The following DHX57 variants were observed in gnomAD, a reference collection of about 807,000 sequenced individuals.
DHX57 encodes the protein putative ATP-dependent RNA helicase DHX57.
A neutral mutation model predicts 156.2 loss-of-function variants in DHX57; 105 were observed. The ratio of observed to expected loss-of-function variants is 0.67; its 90% CI spans 0.57 to 0.79. DHX57 has a LOEUF of 0.79. Ranked by LOEUF, DHX57 falls within the 30% of genes least tolerant of loss-of-function variation. The pLI is 0.00. For synonymous variants in DHX57, 704 were observed against 595.6 expected, an observed-to-expected ratio of 1.18 and a Z score of -2.65; for missense variants, 1,847 against 1,661.9, an observed-to-expected ratio of 1.11 and a Z score of -1.94.
At position 38,812,410 on chromosome 2, in the gene DHX57, ACT is replaced by A. The variant is rs531860564; in HGVS notation, c.3681+1409_3681+1410del. 2.2e-4 allele frequency among the ~76,000 whole-genome samples: 34 copies of A among 152,164 alleles called. 1 individual carries two copies. The highest frequency in any genetic ancestry group is 7.0e-4 in the African/African-American group (29 of 41,492). ...TGATTCAGTATTCTGCCAAATTGAA[ACT>A]CTCTGGGGGAAAATGGTGCCTTGTT... On this transcript the variant is annotated intron_variant, in intron 21 of 23. Transcript: ENST00000457308.
intron 5 of DHX57, among the ~76,000 whole-genome samples, chr2:38,859,872 A>C (rs891660918): frequency 2.0e-5 from 3 of 151,628 alleles, no homozygotes; most frequent in Non-Finnish European, 2.9e-5. Flanking sequence ...CCAAGGCCGA[A>C]ATGCAATGAC....
chr2:38,818,829 G>A, intron 19 of DHX57, 48 bp downstream of exon 19: 2 of 1,594,946 alleles, frequency 1.3e-6, no homozygotes, highest in South Asian at 1.1e-5. Context: ...ACCCTCTGGT[G>A]AGCTACTCTA....
intron 18 of DHX57, 27 bp from the exon 19 acceptor site, chr2:38,818,987 A>G: frequency 6.2e-7 from 1 of 1,614,094 alleles, no homozygotes; most frequent in East Asian, 2.2e-5. Context: ...ATCAAACTGA[A>G]CTTACTCAGT....
chr2:38,813,732 T>C, intron 21 of DHX57, 89 bp downstream of exon 21: 1 of 1,458,628 alleles, frequency 6.9e-7, no homozygotes, highest in Non-Finnish European at 9.5e-7. Flanking sequence ...TATATCTCTT[T>C]AAGATGATTA....
chr2:38,839,505 A>G (rs1202634113), intron 12 of DHX57, among the ~76,000 whole-genome samples: 1 of 151,046 alleles, frequency 6.6e-6, no homozygotes, highest in African/African-American at 2.4e-5. Context: ...TGAGGTCAAG[A>G]GTTTGAGACC....
intron 1 of DHX57, 90 bp downstream of exon 1, chr2:38,875,697 G>A (rs932327794): frequency 4.7e-6 from 1 of 213,318 alleles, no homozygotes; most frequent in African/African-American, 2.3e-5. Flanking sequence ...CACTCCTGGA[G>A]CAGGAGGCGG....
At position 38,862,478 on chromosome 2, in the gene DHX57, T is replaced by C. The variant is rs1448552199; in HGVS notation, c.384-145A>G. The stretch of plus-strand genomic sequence containing the variant: ...AATCTTATATTGAACTATTAATTTA[T>C]ATCTTGGCAATTAACATTTACCAGG... On this transcript the variant is annotated intron_variant, in intron 3 of 23. Transcript: ENST00000457308. 4 of 768,372 alleles carry C rather than the reference T, an allele frequency of 5.2e-6. 1 individual carries two copies. The highest frequency in any genetic ancestry group is 5.6e-6 in the Non-Finnish European group (3 of 538,624). 47.6% of individuals were successfully genotyped at this position (768,372 alleles called of 1,614,324 possible).
rs1434684953 is a variant in DHX57 at position 38,862,323 on chromosome 2, A to G, written c.394T>C (p.Ser132Pro). 1 of 1,578,394 alleles carries G rather than the reference A, an allele frequency of 6.3e-7. No individual in the cohort carries two copies. The highest frequency in any genetic ancestry group is 1.3e-5 in the African/African-American group (1 of 74,230). Residue 132 changes from serine (S) to proline (P), a missense_variant, in exon 4 of 24, where the codon TCT becomes CCT. Ser to Pro is a moderately conservative substitution (Grantham distance 74, BLOSUM62 -1). Coordinates refer to ENST00000457308, the MANE Select transcript of DHX57 (RefSeq NM_198963.3). ...DADAGSERGL[S>P]GEEEDDEPDC... ...GGCTCATCATCTTCCTCCTCCCCAG[A>G]AAGGCCTCTTCTAGCAAAGGCAACA...
At chr2:38,867,804 C>T (rs1311799117) in intron 2 of DHX57, among the ~76,000 whole-genome samples, 25 of 152,190 alleles carry the variant, frequency 1.6e-4, no homozygotes, top group African/African-American at 5.8e-4. Context: ...GCGATCCACA[C>T]ACCTGGGCCT....
intron 19 of DHX57, chr2:38,815,856 T>C: frequency 1.6e-6 from 1 of 612,510 alleles, no homozygotes; most frequent in Non-Finnish European, 2.8e-6. Context: ...GCAGGCAAAC[T>C]GAAACGGTTA....
intron 1 of DHX57, among the ~76,000 whole-genome samples, chr2:38,872,291 T>C (rs1376817835): frequency 6.6e-6 from 1 of 151,938 alleles, no homozygotes; most frequent in Non-Finnish European, 1.5e-5. Flanking sequence ...TAAATGCAAA[T>C]GAAAGCATAA....
intron 19 of DHX57, among the ~76,000 whole-genome samples, chr2:38,816,693 T>C (rs745802106): frequency 1.3e-4 from 20 of 152,214 alleles, no homozygotes; most frequent in Non-Finnish European, 1.8e-4. Flanking sequence ...CTCTCAATGA[T>C]GGTTTAAGTA....
chr2:38,868,488 A>C, intron 1 of DHX57, 77 bp from the exon 2 acceptor site: 1 of 1,389,934 alleles, frequency 7.2e-7, no homozygotes, highest in Non-Finnish European at 9.9e-7. Context: ...AAACTTATGA[A>C]TATAGGCTAC....
intron 2 of DHX57, among the ~76,000 whole-genome samples, chr2:38,865,309 G>A (rs765045463): frequency 3.3e-5 from 5 of 152,114 alleles, no homozygotes; most frequent in Non-Finnish European, 7.4e-5. Flanking sequence ...TGCTATTCTC[G>A]TGATAGTGAG....
chr2:38,813,219 G>A (rs1373914620), intron 21 of DHX57, among the ~76,000 whole-genome samples: 5 of 151,986 alleles, frequency 3.3e-5, no homozygotes, highest in Non-Finnish European at 7.4e-5. Flanking sequence ...AACATAGAAA[G>A]TTAGTTATAT....
chr2:38,798,813 A>T lies in DHX57; in HGVS notation c.4018-371T>A, dbSNP rs575368234. The stretch of plus-strand genomic sequence containing the variant: ...ACAAAAATTAGCGAGTTGTGGTGGC[A>T]TGCGCCTGTAATCCCAGCTACTCAG... On this transcript the variant is annotated intron_variant, in intron 23 of 23. Transcript: ENST00000457308. Among the ~76,000 whole-genome samples the T allele has an allele frequency of 4.6e-5, 7 of 152,194 alleles. No homozygotes were observed. The South Asian group carries it at 1.2e-3, about 27-fold the overall frequency.
chr2:38,818,006 T>C (rs979212234), intron 19 of DHX57, among the ~76,000 whole-genome samples: 2 of 152,122 alleles, frequency 1.3e-5, no homozygotes, highest in Non-Finnish European at 2.9e-5. Context: ...TTTTCTTGTA[T>C]ACTCATTATA....
chr2:38,813,798 A>G lies in DHX57; in HGVS notation c.3681+23T>C, dbSNP rs1168596670. On this transcript the variant is annotated intron_variant, in intron 21 of 23. Coordinates refer to ENST00000457308, the MANE Select transcript of DHX57 (RefSeq NM_198963.3). ...TACAAATCAAACAAAAAATGGAAAG[A>G]TCTAGGAAAAATGTTTTGTTACCTG... The G allele has an allele frequency of 1.3e-5, 21 of 1,612,688 alleles. 1 individual carries two copies. In the Middle Eastern group the frequency reaches 5.0e-4, roughly 38 times the overall value.
chr2:38,854,275 T>C (rs1432542742), intron 8 of DHX57, 97 bp from the exon 9 acceptor site: 1 of 1,292,266 alleles, frequency 7.7e-7, no homozygotes, highest in South Asian at 1.4e-5. Context: ...ATAAAAAATA[T>C]TGGAAACACC....
Sources: gnomAD v4.1 joint callset for allele counts (sites outside exome capture counted in the v4.1 genomes callset) on GRCh38, gnomAD v4.1.1 for gene constraint, MANE v1.5 for transcripts, NCBI Gene and HGNC (gene_info 2026-07-23, HGNC 2026-07-21) for gene names.